CHN2: variants seen among roughly 807,000 people sequenced by gnomAD.
The protein encoded by CHN2 is beta-chimaerin.
CHN2 carries 35 observed loss-of-function variants against 56.3 expected under a neutral mutation model. The ratio of observed to expected loss-of-function variants is 0.62; its 90% CI spans 0.47 to 0.82. The LOEUF (loss-of-function observed/expected upper bound fraction) is 0.82. Ranked by LOEUF, CHN2 falls within the 40% of genes least tolerant of loss-of-function variation. CHN2 has a pLI of 0.00. For missense variants in CHN2, 491 were observed against 580.5 expected (o/e 0.85, Z 1.58); for synonymous variants, 210 against 212.8 (o/e 0.99, Z 0.12).
At chr7:29,454,015 G>C (rs533277172) in intron 6 of CHN2, among the ~76,000 whole-genome samples, 20 of 152,272 alleles carry the variant, frequency 1.3e-4, no homozygotes, top group Non-Finnish European at 2.8e-4. Flanking sequence ...GCCAACTCTA[G>C]TGGTGGGGAC....
chr7:29,147,013 C>T lies in CHN2; in HGVS notation c.274+53C>T, dbSNP rs1792815566. The T allele has an allele frequency of 4.7e-5, 73 of 1,548,738 alleles. 2 individuals carry two copies. In the South Asian group the frequency reaches 8.6e-4, roughly 18 times the overall value. On this transcript the variant is annotated intron_variant, in intron 2 of 6. Coordinates refer to the CHN2 transcript ENST00000439384. ...TGCCAAGCACTCTCCTGAATCACTG[C>T]GCTGGAGTCTCAGAGCCACCTGATG...
chr7:29,506,800 T>A (rs922366978), intron 10 of CHN2, among the ~76,000 whole-genome samples: 3 of 152,194 alleles, frequency 2.0e-5, no homozygotes, highest in African/African-American at 7.2e-5. Context: ...GAACTGAAAC[T>A]ATTCAACAAT....
intron 2 of CHN2, among the ~76,000 whole-genome samples, chr7:29,157,382 A>G (rs1794540234): frequency 6.6e-6 from 1 of 152,188 alleles, no homozygotes; most frequent in South Asian, 2.1e-4. Flanking sequence ...CTTGCAGTAA[A>G]CTGCTATCCA....
chr7:29,324,045 T>C lies in CHN2; in HGVS notation c.50-30580T>C, dbSNP rs1429646838. Among the ~76,000 whole-genome samples the C allele has an allele frequency of 4.0e-5, 6 of 150,678 alleles. No homozygotes were observed. In the South Asian group the frequency reaches 1.3e-3, roughly 32 times the overall value. The stretch of plus-strand genomic sequence containing the variant: ...ACCAAAAAAAAGAAAAAAAAAGTTA[T>C]AGGGGGTTGAAGCTGTCCTCCTGTG... On this transcript the variant is annotated intron_variant, in intron 1 of 12. Transcript: ENST00000222792.
chr7:29,164,943 A>C (rs2128716616), intron 2 of CHN2, among the ~76,000 whole-genome samples: 1 of 152,268 alleles, frequency 6.6e-6, no homozygotes, highest in South Asian at 2.1e-4. Flanking sequence ...TGTCTTGATT[A>C]CCATAGCTCC....
chr7:29,502,189 G>T (rs1207746643), intron 9 of CHN2, among the ~76,000 whole-genome samples: 1 of 152,148 alleles, frequency 6.6e-6, no homozygotes, highest in Non-Finnish European at 1.5e-5. Context: ...GAGTAACAGT[G>T]CCTTTGACAA....
chr7:29,464,854 C>A (rs1248232033), intron 6 of CHN2, among the ~76,000 whole-genome samples: 1 of 152,178 alleles, frequency 6.6e-6, no homozygotes, highest in African/African-American at 2.4e-5. Flanking sequence ...GTTTTGAGCC[C>A]ATGGAGACGT....
At chr7:29,315,383 C>T (rs1018822972) in intron 1 of CHN2, among the ~76,000 whole-genome samples, 1 of 152,154 alleles carries the variant, frequency 6.6e-6, no homozygotes, top group African/African-American at 2.4e-5. Flanking sequence ...AATCATGAGT[C>T]CTAACTTCAG....
chr7:29,488,096 A>G (rs754990955), intron 7 of CHN2, among the ~76,000 whole-genome samples: 42 of 152,242 alleles, frequency 2.8e-4, no homozygotes, highest in Admixed American at 9.2e-4. Context: ...TGAGAAGTCC[A>G]GGGATCTGTG....
chr7:29,221,913 A>G (rs1304839326), intron 1 of CHN2, among the ~76,000 whole-genome samples: 1 of 152,210 alleles, frequency 6.6e-6, no homozygotes, highest in African/African-American at 2.4e-5. Context: ...ATAGTGCTGC[A>G]GTGAACATAC....
In CHN2 at chr7:29,236,778, G is replaced by A. The variant is rs186181606; in HGVS notation, c.49+41788G>A. 3.9e-4 allele frequency among the ~76,000 whole-genome samples: 59 copies of A among 152,276 alleles called. No individual in the cohort carries two copies. In the East Asian group the frequency reaches 0.011, roughly 28 times the overall value. ...GCTCTAAGGGAGAATCAATTTCCTT[G>A]CCTTTTCCAGCTTCTAAAGGCTGAC... is the stretch of plus-strand genomic sequence containing the variant. On this transcript the variant is annotated intron_variant, in intron 1 of 12. Transcript: ENST00000222792.
intron 1 of CHN2, among the ~76,000 whole-genome samples, chr7:29,336,973 G>A (rs1253728063): frequency 1.3e-5 from 2 of 151,854 alleles, no homozygotes; most frequent in Non-Finnish European, 2.9e-5. Context: ...ATTCGCCCCT[G>A]CCAGGAACCT....
At chr7:29,409,039 A>G (rs1562584305) in intron 6 of CHN2, among the ~76,000 whole-genome samples, 3 of 152,262 alleles carry the variant, frequency 2.0e-5, no homozygotes, top group African/African-American at 7.2e-5. Context: ...TTTTTCAGCA[A>G]TGAATCCATT....
At chr7:29,476,789 C>T (rs1248905716) in intron 6 of CHN2, among the ~76,000 whole-genome samples, 1 of 152,076 alleles carries the variant, frequency 6.6e-6, no homozygotes, top group East Asian at 1.9e-4. Flanking sequence ...AAGAATGCCA[C>T]TGAACATCCT....
intron 5 of CHN2, 136 bp from the exon 6 acceptor site, chr7:29,400,406 GA>G (rs528102352): frequency 3.5e-5 from 29 of 821,332 alleles, no homozygotes; most frequent in Admixed American, 1.0e-4. Flanking sequence ...AGCGTTAGGG[GA>G]AAAAAAATCA....
At chr7:29,153,215 T>C (rs77343846) in intron 2 of CHN2, among the ~76,000 whole-genome samples, 1,720 of 152,330 alleles carry the variant, frequency 0.011, 34 homozygotes, top group African/African-American at 0.039. Context: ...TCTAGACATA[T>C]GGTATGTGGG....
intron 1 of CHN2, among the ~76,000 whole-genome samples, chr7:29,227,371 G>A (rs1359802994): frequency 6.6e-6 from 1 of 152,158 alleles, no homozygotes. Context: ...TGTTCTAGAG[G>A]GATGGACGTA....
intron 2 of CHN2, among the ~76,000 whole-genome samples, chr7:29,177,609 T>C (rs944855682): frequency 3.3e-5 from 5 of 151,834 alleles, no homozygotes; most frequent in African/African-American, 1.2e-4. Flanking sequence ...TCATTTTTTC[T>C]CTCTCTCTTT....
At chr7:29,301,686 A>G (rs62442868) in intron 1 of CHN2, among the ~76,000 whole-genome samples, 8,370 of 152,232 alleles carry the variant, frequency 0.055, 329 homozygotes, top group East Asian at 0.2. Flanking sequence ...TGGCATATGA[A>G]TTATACTACT....
Sources: gnomAD v4.1 joint callset for allele counts (sites outside exome capture counted in the v4.1 genomes callset) on GRCh38, gnomAD v4.1.1 for gene constraint, MANE v1.5 for transcripts, NCBI Gene and HGNC (gene_info 2026-07-23, HGNC 2026-07-21) for gene names.